FBXO34: variants seen among roughly 807,000 people sequenced by gnomAD.
The protein encoded by FBXO34 is F-box only protein 34.
A neutral mutation model predicts 24.5 loss-of-function variants in FBXO34; 12 were observed. That is an observed-to-expected ratio of 0.49 (90% confidence interval 0.31 to 0.79). FBXO34 has a LOEUF of 0.79. FBXO34 is among the 30% of genes least tolerant of loss of function. The probability of loss-of-function intolerance (pLI) is 0.04; values close to 1 mark genes in which losing one functional copy is unlikely to be tolerated. For synonymous variants in FBXO34, 320 were observed against 311.9 expected, an observed-to-expected ratio of 1.03 and a Z score of -0.27; for missense variants, 823 against 857.7, an observed-to-expected ratio of 0.96 and a Z score of 0.51.
At chr14:55,431,156 T>G in the FBXO34 span, among the ~76,000 whole-genome samples, 9 of 152,226 alleles carry the variant, frequency 5.9e-5, no homozygotes, top group African/African-American at 2.2e-4. Flanking sequence ...AGAATAGGTT[T>G]GGATAAAATG....
the FBXO34 span, chr14:55,413,451 T>C: frequency 0.28 from 54,309 of 192,640 alleles, 7,834 homozygotes; most frequent in East Asian, 0.43. Context: ...CTGAGGTTTT[T>C]GGATACAAAA....
chr14:55,394,046 G>A, the FBXO34 span, among the ~76,000 whole-genome samples: 4 of 141,822 alleles, frequency 2.8e-5, no homozygotes, highest in East Asian at 2.0e-4. Flanking sequence ...TTGCTCTGTC[G>A]CCCAGGCTGG....
At chr14:55,360,079 A>AT (rs536909336) in intron 3 of FBXO34, among the ~76,000 whole-genome samples, 8,778 of 148,872 alleles carry the variant, frequency 0.059, 317 homozygotes, top group South Asian at 0.088. Flanking sequence ...GAAAAAAATA[A>AT]TTTTTTTTTT....
chr14:55,333,249 C>T (rs1027681748), intron 1 of FBXO34, among the ~76,000 whole-genome samples: 2 of 152,194 alleles, frequency 1.3e-5, no homozygotes, highest in African/African-American at 4.8e-5. Context: ...TAAGCTTACT[C>T]TCAGAAATTT....
At chr14:55,323,417 T>C (rs553691233) in intron 1 of FBXO34, among the ~76,000 whole-genome samples, 1 of 150,024 alleles carries the variant, frequency 6.7e-6, no homozygotes, top group Non-Finnish European at 1.5e-5. Context: ...GTAATCTCGC[T>C]CTGTCCCCAG....
At chr14:55,416,080 G>A in the FBXO34 span, among the ~76,000 whole-genome samples, 4 of 152,186 alleles carry the variant, frequency 2.6e-5, no homozygotes, top group African/African-American at 9.7e-5. Flanking sequence ...GCCAGGGGAA[G>A]TGAGGAGAGG....
chr14:55,432,719 A>G, the FBXO34 span, among the ~76,000 whole-genome samples: 1 of 152,230 alleles, frequency 6.6e-6, no homozygotes, highest in Non-Finnish European at 1.5e-5. Context: ...AACACTTAGT[A>G]CATTTATAGA....
At chr14:55,369,878 A>C (rs772234940), downstream of FBXO34, 1 of 1,614,080 alleles carries the variant, frequency 6.2e-7, no homozygotes, top group Non-Finnish European at 8.5e-7. Flanking sequence ...GGGATCCACA[A>C]ATTCCATGGA....
chr14:55,427,744 C>T, the FBXO34 span, among the ~76,000 whole-genome samples: 1 of 151,876 alleles, frequency 6.6e-6, no homozygotes, highest in Admixed American at 6.6e-5. Context: ...GCTGTTGAGA[C>T]GGGAAGTCTG....
chr14:55,382,095 T>A, the FBXO34 span: 1 of 1,614,132 alleles, frequency 6.2e-7, no homozygotes, highest in Non-Finnish European at 8.5e-7. Flanking sequence ...AGACCCATCG[T>A]CCTGAGAGGT....
the FBXO34 span, chr14:55,433,608 G>T: frequency 2.5e-6 from 4 of 1,590,572 alleles, no homozygotes; most frequent in Non-Finnish European, 2.6e-6. Context: ...TCTGGTAGGG[G>T]TGGAGGGATG....
At chr14:55,395,563 C>T in the FBXO34 span, among the ~76,000 whole-genome samples, 4 of 152,192 alleles carry the variant, frequency 2.6e-5, no homozygotes, top group Non-Finnish European at 4.4e-5. Context: ...CTTTCCTCTA[C>T]GGTTTATAAA....
At chr14:55,404,854 G>A in the FBXO34 span, among the ~76,000 whole-genome samples, 1 of 152,270 alleles carries the variant, frequency 6.6e-6, no homozygotes, top group Admixed American at 6.5e-5. Flanking sequence ...TATAACCCAG[G>A]AGTAAGTCAG....
At chr14:55,365,845 T>C (rs1275743227), downstream of FBXO34, among the ~76,000 whole-genome samples, 2 of 152,112 alleles carry the variant, frequency 1.3e-5, no homozygotes, top group Non-Finnish European at 2.9e-5. Context: ...TCTTCCACAG[T>C]AGTCACTCTT....
chr14:55,297,697 A>G (rs1482438935), intron 1 of FBXO34, among the ~76,000 whole-genome samples: 3 of 152,212 alleles, frequency 2.0e-5, no homozygotes, highest in Non-Finnish European at 4.4e-5. Context: ...ATGTATATCT[A>G]TGTGTATGTG....
chr14:55,381,864 C>T, the FBXO34 span: 1 of 971,888 alleles, frequency 1.0e-6, no homozygotes, highest in East Asian at 2.5e-5. Flanking sequence ...GTACTAAATG[C>T]CCCTGAATGG....
chr14:55,441,002 A>G, the FBXO34 span, among the ~76,000 whole-genome samples: 1 of 151,906 alleles, frequency 6.6e-6, no homozygotes, highest in African/African-American at 2.4e-5. Flanking sequence ...ACGCACCACC[A>G]TGACCTGCTA....
chr14:55,323,535 A>G (rs377670954), intron 1 of FBXO34, among the ~76,000 whole-genome samples: 27 of 151,942 alleles, frequency 1.8e-4, no homozygotes, highest in African/African-American at 6.0e-4. Context: ...GGCACGTGCC[A>G]CCACGTCCAG....
Position 55,304,720 on chromosome 14 carries a change from G to A in FBXO34, c.-11+33183G>A, listed in dbSNP as rs370077815. On this transcript the variant is annotated intron_variant, in intron 1 of 1. Coordinates refer to ENST00000313833, the MANE Select transcript of FBXO34 (RefSeq NM_017943.4). ...TTGCTGTGTTTTCCAGGCTGGTCTCGAACTCCTGGCCTCAAGTGATCCTCC... is the reference window on the plus strand; with the variant it reads ...TTGCTGTGTTTTCCAGGCTGGTCTCAAACTCCTGGCCTCAAGTGATCCTCC... Among the ~76,000 whole-genome samples the A allele has an allele frequency of 2.0e-5, 3 of 148,758 alleles. No individual in the cohort carries two copies. In the South Asian group the frequency reaches 6.5e-4, roughly 32 times the overall value.
Sources: gnomAD v4.1 joint callset for allele counts (sites outside exome capture counted in the v4.1 genomes callset) on GRCh38, gnomAD v4.1.1 for gene constraint, MANE v1.5 for transcripts, NCBI Gene and HGNC (gene_info 2026-07-23, HGNC 2026-07-21) for gene names.